ARHGAP15: variants seen among roughly 807,000 people sequenced by gnomAD.
The protein encoded by ARHGAP15 is Rho GTPase activating protein 15.
ARHGAP15 carries 51 observed loss-of-function variants against 63.7 expected under a neutral mutation model. The ratio of observed to expected loss-of-function variants is 0.80; its 90% CI spans 0.64 to 1.01. The LOEUF is 1.01. Among genes scored for constraint, ARHGAP15 ranks in the 50% least tolerant of loss-of-function variants. The pLI is 0.00. For missense variants in ARHGAP15, 560 were observed against 564.6 expected, an observed-to-expected ratio of 0.99 and a Z score of 0.08; for synonymous variants, 191 against 193.8, an observed-to-expected ratio of 0.99 and a Z score of 0.12.
intron 6 of ARHGAP15, among the ~76,000 whole-genome samples, chr2:143,306,290 G>T (rs1683166852): frequency 1.3e-5 from 2 of 152,118 alleles, no homozygotes; most frequent in Admixed American, 1.3e-4. Flanking sequence ...TTACTACAGT[G>T]TTCGGATTTG....
At chr2:143,606,493 G>T (rs905913728) in intron 11 of ARHGAP15, among the ~76,000 whole-genome samples, 7 of 152,114 alleles carry the variant, frequency 4.6e-5, no homozygotes, top group Admixed American at 4.6e-4. Context: ...CTAGCTAATC[G>T]CCTTTTTAAC....
intron 12 of ARHGAP15, among the ~76,000 whole-genome samples, chr2:143,695,473 T>C (rs903022535): frequency 7.9e-5 from 12 of 152,130 alleles, no homozygotes; most frequent in Non-Finnish European, 1.8e-4. Flanking sequence ...ACTACAAAAC[T>C]GAGGAGTGCA....
chr2:143,268,909 G>A (rs1402654059), intron 6 of ARHGAP15, among the ~76,000 whole-genome samples: 1 of 152,090 alleles, frequency 6.6e-6, no homozygotes, highest in East Asian at 1.9e-4. Context: ...AATGGAAAGG[G>A]AAAGACCCTA....
intron 1 of ARHGAP15, among the ~76,000 whole-genome samples, chr2:143,147,797 CG>C (rs1217443883): frequency 6.6e-6 from 1 of 151,840 alleles, no homozygotes; most frequent in Non-Finnish European, 1.5e-5. Flanking sequence ...ATATTTTTTC[CG>C]TATCACAGGG....
intron 12 of ARHGAP15, among the ~76,000 whole-genome samples, chr2:143,655,319 A>T (rs969414693): frequency 6.6e-5 from 10 of 151,776 alleles, no homozygotes; most frequent in Non-Finnish European, 4.4e-5. Flanking sequence ...TAAGGGCAGC[A>T]TTTTTCAATG....
intron 11 of ARHGAP15, among the ~76,000 whole-genome samples, chr2:143,567,167 G>A (rs756595271): frequency 2.6e-5 from 4 of 152,224 alleles, no homozygotes; most frequent in East Asian, 3.9e-4. Flanking sequence ...GAGCCACAGC[G>A]TGCTTCTTTA....
chr2:143,466,964 T>C (rs1165812577), intron 8 of ARHGAP15, among the ~76,000 whole-genome samples: 2 of 152,214 alleles, frequency 1.3e-5, no homozygotes, highest in East Asian at 3.9e-4. Context: ...ACTCTAAGAA[T>C]TGGGCACAGC....
At chr2:143,720,246 G>A (rs1474764615) in intron 13 of ARHGAP15, among the ~76,000 whole-genome samples, 1 of 152,140 alleles carries the variant, frequency 6.6e-6, no homozygotes, top group African/African-American at 2.4e-5. Flanking sequence ...CAACACAGCA[G>A]TTTAGTATAA....
At chr2:143,513,145 G>A (rs947947619) in intron 9 of ARHGAP15, among the ~76,000 whole-genome samples, 7 of 152,154 alleles carry the variant, frequency 4.6e-5, no homozygotes, top group Non-Finnish European at 1.0e-4. Context: ...GGCTTTGCTG[G>A]TAACTGGGGA....
chr2:143,217,058 G>A lies in ARHGAP15; in HGVS notation c.296+613G>A, dbSNP rs776753570. ...CATTTTAGAATTTTTGCTATTTCTCGTATTGGTTCTGTTACATATTTAGCT... is the reference window on the plus strand; with the variant it reads ...CATTTTAGAATTTTTGCTATTTCTCATATTGGTTCTGTTACATATTTAGCT... On this transcript the variant is annotated intron_variant, in intron 4 of 13. Coordinates refer to ENST00000295095, the MANE Select transcript of ARHGAP15 (RefSeq NM_018460.4). 2.2e-4 allele frequency among the ~76,000 whole-genome samples: 33 copies of A among 152,192 alleles called. No homozygotes were observed. In the South Asian group the frequency reaches 6.0e-3, roughly 28 times the overall value.
chr2:143,226,206 A>G (rs1693207955), intron 4 of ARHGAP15, among the ~76,000 whole-genome samples: 2 of 152,204 alleles, frequency 1.3e-5, no homozygotes, highest in Admixed American at 1.3e-4. Context: ...ATTGCGTTTC[A>G]TGCAACTTCA....
chr2:143,142,070 A>T (rs149927730), intron 1 of ARHGAP15, among the ~76,000 whole-genome samples: 42 of 152,286 alleles, frequency 2.8e-4, no homozygotes, highest in African/African-American at 1.0e-3. Context: ...GAGAAGACAT[A>T]TAGACATACT....
At chr2:143,407,859 A>G (rs1351896232) in intron 6 of ARHGAP15, among the ~76,000 whole-genome samples, 2 of 149,990 alleles carry the variant, frequency 1.3e-5, no homozygotes, top group Non-Finnish European at 3.0e-5. Flanking sequence ...TACCATTTGC[A>G]TTTATTCTTG....
At chr2:143,337,317 T>C (rs533466588) in intron 6 of ARHGAP15, among the ~76,000 whole-genome samples, 3 of 152,314 alleles carry the variant, frequency 2.0e-5, no homozygotes, top group African/African-American at 7.2e-5. Context: ...TTTTGATGGC[T>C]GAGTTAAAGA....
At chr2:143,509,731 T>A (rs563024529) in intron 9 of ARHGAP15, among the ~76,000 whole-genome samples, 163 of 152,048 alleles carry the variant, frequency 1.1e-3, no homozygotes, top group African/African-American at 3.7e-3. Flanking sequence ...ATATAAAAGA[T>A]GAGAGTAGAG....
intron 13 of ARHGAP15, among the ~76,000 whole-genome samples, chr2:143,742,316 C>T (rs1206620027): frequency 1.3e-5 from 2 of 152,310 alleles, no homozygotes; most frequent in Non-Finnish European, 2.9e-5. Context: ...ACATTTCCCA[C>T]GTGACTGCAG....
intron 1 of ARHGAP15, among the ~76,000 whole-genome samples, chr2:143,131,814 CTG>C (rs1559024660): frequency 2.5e-4 from 38 of 152,148 alleles, no homozygotes; most frequent in Admixed American, 2.2e-3. Flanking sequence ...AGTGAGGAGA[CTG>C]ATGCCATGGT....
chr2:143,571,322 C>T (rs575429357), intron 11 of ARHGAP15, among the ~76,000 whole-genome samples: 31 of 152,266 alleles, frequency 2.0e-4, no homozygotes, highest in African/African-American at 6.7e-4. Flanking sequence ...TTGTCTTCCA[C>T]GAAACTGGTC....
chr2:143,362,801 C>T (rs1352410588), intron 6 of ARHGAP15, among the ~76,000 whole-genome samples: 1 of 152,088 alleles, frequency 6.6e-6, no homozygotes, highest in African/African-American at 2.4e-5. Context: ...TCTAAATAAT[C>T]ACTGTGACCT....
Sources: allele counts gnomAD v4.1 joint callset (sites outside exome capture counted in the v4.1 genomes callset), GRCh38; gene constraint gnomAD v4.1.1; transcripts MANE v1.5; gene names NCBI Gene and HGNC (gene_info 2026-07-23, HGNC 2026-07-21).